The following CDH13 variants were observed in gnomAD, a reference collection of about 807,000 sequenced individuals.
CDH13 encodes cadherin-13.
A neutral mutation model predicts 63.8 loss-of-function variants in CDH13; 24 were observed. The observed-to-expected ratio is 0.38, with a 90% CI of 0.27 to 0.53. The LOEUF is 0.53. Among genes scored for constraint, CDH13 ranks in the 20% least tolerant of loss-of-function variants. The pLI is 0.85. For missense variants in CDH13, 1,049 were observed against 903.1 expected (o/e 1.16, Z -2.07); for synonymous variants, 503 against 355.3 (o/e 1.42, Z -4.67).
intron 2 of CDH13, among the ~76,000 whole-genome samples, chr16:82,963,291 A>C (rs1907309749): frequency 6.6e-6 from 1 of 152,206 alleles, no homozygotes; most frequent in Non-Finnish European, 1.5e-5. Context: ...AGGCAGAAGA[A>C]TCGCTTGAAC....
At chr16:83,788,906 C>T (rs1441023655) in intron 13 of CDH13, among the ~76,000 whole-genome samples, 1 of 147,170 alleles carries the variant, frequency 6.8e-6, no homozygotes, top group African/African-American at 2.7e-5. Context: ...GTTTGCTGTA[C>T]AAAGACAGTA....
intron 10 of CDH13, among the ~76,000 whole-genome samples, chr16:83,685,174 A>G (rs1030249818): frequency 6.6e-6 from 1 of 152,192 alleles, no homozygotes; most frequent in Non-Finnish European, 1.5e-5. Context: ...AATTGGTCAC[A>G]GGGCCATACC....
At chr16:83,533,019 G>T (rs1479090641) in intron 7 of CDH13, among the ~76,000 whole-genome samples, 1 of 152,312 alleles carries the variant, frequency 6.6e-6, no homozygotes, top group Non-Finnish European at 1.5e-5. Context: ...ACAATTGTCA[G>T]TCTGCAGAGC....
intron 6 of CDH13, among the ~76,000 whole-genome samples, chr16:83,363,973 C>T (rs2091211407): frequency 6.6e-6 from 1 of 152,124 alleles, no homozygotes; most frequent in African/African-American, 2.4e-5. Context: ...GGGATAGGAG[C>T]CATGACATTA....
At chr16:83,632,940 T>G (rs1910914135) in intron 8 of CDH13, among the ~76,000 whole-genome samples, 2 of 151,722 alleles carry the variant, frequency 1.3e-5, no homozygotes, top group South Asian at 4.2e-4. Flanking sequence ...TTAGACCATA[T>G]AGGTAACTTC....
intron 4 of CDH13, among the ~76,000 whole-genome samples, chr16:83,186,280 G>A (rs527783176): frequency 2.5e-4 from 38 of 151,604 alleles, no homozygotes; most frequent in African/African-American, 8.2e-4. Context: ...CTGGGACTAC[G>A]GGCACATACC....
At chr16:82,957,196 A>G (rs1387517594) in intron 2 of CDH13, among the ~76,000 whole-genome samples, 2 of 151,800 alleles carry the variant, frequency 1.3e-5, no homozygotes, top group Non-Finnish European at 2.9e-5. Flanking sequence ...TGCATCTACC[A>G]CCTCTCCTCA....
chr16:83,194,131 G>A (rs989395716), intron 4 of CDH13, among the ~76,000 whole-genome samples: 1 of 152,182 alleles, frequency 6.6e-6, no homozygotes, highest in Non-Finnish European at 1.5e-5. Context: ...TATGAAGAAT[G>A]GTTTTTCTAA....
intron 3 of CDH13, among the ~76,000 whole-genome samples, chr16:83,061,788 G>A (rs1215655923): frequency 6.6e-6 from 1 of 152,198 alleles, no homozygotes; most frequent in East Asian, 1.9e-4. Context: ...CACTTATGAA[G>A]AATCTGTGTC....
intron 6 of CDH13, among the ~76,000 whole-genome samples, chr16:83,468,496 G>A (rs1267322166): frequency 2.6e-5 from 4 of 152,202 alleles, no homozygotes; most frequent in South Asian, 2.1e-4. Flanking sequence ...CACCCAGTTC[G>A]TGGTATTTGT....
At chr16:83,061,074 G>A (rs2031504938) in intron 3 of CDH13, among the ~76,000 whole-genome samples, 1 of 152,184 alleles carries the variant, frequency 6.6e-6, no homozygotes, top group South Asian at 2.1e-4. Context: ...CTAAGGTATT[G>A]CGCTCTCCAT....
intron 1 of CDH13, among the ~76,000 whole-genome samples, chr16:82,735,294 G>T (rs972253026): frequency 2.0e-5 from 3 of 152,124 alleles, no homozygotes; most frequent in East Asian, 1.9e-4. Flanking sequence ...AATCACAAAC[G>T]TTCCAATCAC....
chr16:83,170,690 C>A (rs770763421), intron 4 of CDH13, among the ~76,000 whole-genome samples: 6 of 152,048 alleles, frequency 3.9e-5, no homozygotes, highest in South Asian at 2.1e-4. Context: ...AGCACCCATC[C>A]CTATAATATA....
At chr16:83,205,035 T>C (rs2039141720) in intron 4 of CDH13, among the ~76,000 whole-genome samples, 1 of 152,172 alleles carries the variant, frequency 6.6e-6, no homozygotes, top group Non-Finnish European at 1.5e-5. Flanking sequence ...CCCAGAAGGA[T>C]AGGAGCCCAC....
At chr16:83,779,392 G>A (rs1369779121) in intron 11 of CDH13, among the ~76,000 whole-genome samples, 12 of 97,594 alleles carry the variant, frequency 1.2e-4, no homozygotes, top group African/African-American at 4.8e-4. Flanking sequence ...GGGCGACAGC[G>A]CGAGACTCCA....
intron 9 of CDH13, among the ~76,000 whole-genome samples, chr16:83,673,436 C>T (rs1233518118): frequency 2.0e-5 from 3 of 152,084 alleles, no homozygotes; most frequent in African/African-American, 7.2e-5. Context: ...TGAAACTATA[C>T]CTGGCATCTG....
At chr16:82,653,504 G>C (rs1910964925) in intron 1 of CDH13, among the ~76,000 whole-genome samples, 1 of 152,158 alleles carries the variant, frequency 6.6e-6, no homozygotes, top group Non-Finnish European at 1.5e-5. Context: ...AGTAAAATGG[G>C]ACTGGATGTA....
chr16:83,192,705 C>G (rs1001821041), intron 4 of CDH13, among the ~76,000 whole-genome samples: 1 of 152,068 alleles, frequency 6.6e-6, no homozygotes, highest in South Asian at 2.1e-4. Context: ...ATCACCAAGC[C>G]GTTCCCATGG....
At chr16:83,516,097 C>T (rs529137022) in intron 7 of CDH13, among the ~76,000 whole-genome samples, 4 of 152,156 alleles carry the variant, frequency 2.6e-5, no homozygotes, top group African/African-American at 9.7e-5. Context: ...GTGGTGGGTT[C>T]TTATCTTCAT....
Sources: gnomAD v4.1 joint callset for allele counts (sites outside exome capture counted in the v4.1 genomes callset) on GRCh38, gnomAD v4.1.1 for gene constraint, MANE v1.5 for transcripts, NCBI Gene and HGNC (gene_info 2026-07-23, HGNC 2026-07-21) for gene names.